RBFOX1: variants seen among roughly 807,000 people sequenced by gnomAD.
RBFOX1 encodes RNA binding fox-1 homolog 1.
In RBFOX1, 8 loss-of-function variants were observed where a neutral mutation model predicts 57.7. That is an observed-to-expected ratio of 0.14 (90% confidence interval 0.08 to 0.25). The LOEUF (loss-of-function observed/expected upper bound fraction) is 0.25. Among genes scored for constraint, RBFOX1 ranks in the 10% least tolerant of loss-of-function variants. The probability of loss-of-function intolerance (pLI) is 1.00; values close to 1 mark genes in which losing one functional copy is unlikely to be tolerated. For missense variants in RBFOX1, 611 were observed against 548.5 expected (o/e 1.11, Z -1.14); for synonymous variants, 326 against 222.4 (o/e 1.47, Z -4.15).
At chr16:6,371,121 T>C (rs1298991848) in intron 2 of RBFOX1, among the ~76,000 whole-genome samples, 1 of 152,226 alleles carries the variant, frequency 6.6e-6, no homozygotes, top group Non-Finnish European at 1.5e-5. Context: ...CTTTGGATCA[T>C]ATGATGTCTC....
At chr16:6,210,735 A>G (rs1338819967) in intron 1 of RBFOX1, among the ~76,000 whole-genome samples, 1 of 152,138 alleles carries the variant, frequency 6.6e-6, no homozygotes, top group Non-Finnish European at 1.5e-5. Context: ...AACAAAAAAA[A>G]AGAAAAGAAA....
intron 3 of RBFOX1, among the ~76,000 whole-genome samples, chr16:6,702,517 G>A (rs931369664): frequency 3.3e-5 from 5 of 151,542 alleles, no homozygotes; most frequent in African/African-American, 4.9e-5. Context: ...TTGTGCCATT[G>A]CACTCCAGTC....
intron 4 of RBFOX1, among the ~76,000 whole-genome samples, chr16:7,365,827 C>T (rs531914504): frequency 3.2e-4 from 49 of 152,300 alleles, no homozygotes; most frequent in African/African-American, 1.1e-3. Flanking sequence ...GTATCTCTTA[C>T]GTGACTACAT....
chr16:6,974,967 T>G (rs56309290), intron 3 of RBFOX1, among the ~76,000 whole-genome samples: 10,995 of 152,310 alleles, frequency 0.072, 474 homozygotes, highest in South Asian at 0.2. Context: ...AAAAGAATCT[T>G]CCTCTGCTTC....
chr16:5,802,947 G>A (rs2055106232), intron 3 of RBFOX1, among the ~76,000 whole-genome samples: 1 of 152,116 alleles, frequency 6.6e-6, no homozygotes, highest in African/African-American at 2.4e-5. Flanking sequence ...TGCTTGTCTT[G>A]AACTTTACCA....
At chr16:6,504,019 G>T (rs570454417) in intron 2 of RBFOX1, among the ~76,000 whole-genome samples, 1 of 152,130 alleles carries the variant, frequency 6.6e-6, no homozygotes, top group African/African-American at 2.4e-5. Flanking sequence ...TTGCTTATAC[G>T]TATGCATCTT....
chr16:7,101,885 T>C (rs902117556), intron 4 of RBFOX1, among the ~76,000 whole-genome samples: 1 of 152,122 alleles, frequency 6.6e-6, no homozygotes, highest in African/African-American at 2.4e-5. Flanking sequence ...GTTGGTAAAC[T>C]GTACCAAAGC....
At chr16:6,803,627 G>T (rs186794159) in intron 3 of RBFOX1, among the ~76,000 whole-genome samples, 412 of 152,216 alleles carry the variant, frequency 2.7e-3, no homozygotes, top group African/African-American at 9.4e-3. Flanking sequence ...TAAACCGAAT[G>T]GACTTTAGCA....
chr16:6,849,560 T>C (rs946886514), intron 3 of RBFOX1, among the ~76,000 whole-genome samples: 3 of 152,098 alleles, frequency 2.0e-5, no homozygotes, highest in Non-Finnish European at 4.4e-5. Context: ...TCCCAGCTAC[T>C]CCACAGGCTG....
At chr16:6,174,332 T>C (rs866091295) in intron 1 of RBFOX1, among the ~76,000 whole-genome samples, 4 of 152,184 alleles carry the variant, frequency 2.6e-5, no homozygotes, top group Non-Finnish European at 5.9e-5. Flanking sequence ...CGGTGGCTCA[T>C]GCCTGTCATC....
chr16:5,284,637 G>A (rs1003087472), intron 1 of RBFOX1, among the ~76,000 whole-genome samples: 2 of 150,618 alleles, frequency 1.3e-5, no homozygotes, highest in Non-Finnish European at 3.0e-5. Flanking sequence ...GAACTCCTGG[G>A]CTCAAATGAT....
intron 1 of RBFOX1, among the ~76,000 whole-genome samples, chr16:5,328,711 A>T (rs1466952705): frequency 6.6e-6 from 1 of 152,148 alleles, no homozygotes; most frequent in Non-Finnish European, 1.5e-5. Context: ...CTGCCAGTGG[A>T]CCATTTAAGC....
At chr16:5,714,777 C>G (rs952172516) in intron 3 of RBFOX1, among the ~76,000 whole-genome samples, 1 of 152,210 alleles carries the variant, frequency 6.6e-6, no homozygotes, top group Non-Finnish European at 1.5e-5. Context: ...TCACTATAAT[C>G]ATATCAGCCT....
At chr16:6,614,748 T>C (rs1409273049) in intron 2 of RBFOX1, among the ~76,000 whole-genome samples, 2 of 152,194 alleles carry the variant, frequency 1.3e-5, no homozygotes, top group East Asian at 3.9e-4. Flanking sequence ...TGTGGCATTT[T>C]CCATCTGTCT....
At chr16:6,252,145 G>A (rs2097619617) in intron 1 of RBFOX1, among the ~76,000 whole-genome samples, 1 of 152,014 alleles carries the variant, frequency 6.6e-6, no homozygotes, top group Non-Finnish European at 1.5e-5. Context: ...GGAAGAGAAT[G>A]TTTTATCTGT....
intron 3 of RBFOX1, among the ~76,000 whole-genome samples, chr16:6,847,819 T>C (rs1042839011): frequency 6.6e-6 from 1 of 152,070 alleles, no homozygotes; most frequent in Non-Finnish European, 1.5e-5. Flanking sequence ...AAAAAAATTA[T>C]TCCCACCAAG....
At chr16:5,897,166 G>A (rs1044575403) in intron 4 of RBFOX1, among the ~76,000 whole-genome samples, 1 of 151,888 alleles carries the variant, frequency 6.6e-6, no homozygotes, top group East Asian at 1.9e-4. Context: ...CTCCCCAGTA[G>A]CTGGGACTAC....
intron 3 of RBFOX1, among the ~76,000 whole-genome samples, chr16:6,663,943 C>T (rs991562039): frequency 7.2e-5 from 11 of 152,130 alleles, no homozygotes; most frequent in African/African-American, 2.7e-4. Flanking sequence ...AGATAAAGCT[C>T]AAAGCAGGCA....
At chr16:6,805,503 A>G (rs747316426) in intron 3 of RBFOX1, among the ~76,000 whole-genome samples, 2 of 152,176 alleles carry the variant, frequency 1.3e-5, no homozygotes, top group African/African-American at 2.4e-5. Flanking sequence ...TTACCTATGT[A>G]ATGAACCTGT....
Sources: gnomAD v4.1 joint callset for allele counts (sites outside exome capture counted in the v4.1 genomes callset) on GRCh38, gnomAD v4.1.1 for gene constraint, MANE v1.5 for transcripts, NCBI Gene and HGNC (gene_info 2026-07-23, HGNC 2026-07-21) for gene names.